Variants in MEI4 observed in about 807,000 individuals in gnomAD.
The protein encoded by MEI4 is meiosis-specific protein MEI4.
In MEI4, 27 loss-of-function variants were observed where a neutral mutation model predicts 31.4. The observed-to-expected ratio is 0.86, with a 90% CI of 0.63 to 1.19. The LOEUF (loss-of-function observed/expected upper bound fraction) is 1.19, where lower values mean the gene tolerates loss of function less well. MEI4 is among the 50% of genes most tolerant of loss of function. The pLI is 0.00. For synonymous variants in MEI4, 122 were observed against 145.4 expected, an observed-to-expected ratio of 0.84 and a Z score of 1.16; for missense variants, 329 against 398.9, an observed-to-expected ratio of 0.82 and a Z score of 1.49.
At chr6:77,816,488 G>A (rs1409527697) in intron 3 of MEI4, among the ~76,000 whole-genome samples, 5 of 152,060 alleles carry the variant, frequency 3.3e-5, no homozygotes, top group East Asian at 1.9e-4. Flanking sequence ...TTTTATGGCC[G>A]CATAGTATTC....
At chr6:77,652,321 T>C (rs1298352368), upstream of MEI4, among the ~76,000 whole-genome samples, 1 of 152,170 alleles carries the variant, frequency 6.6e-6, no homozygotes, top group African/African-American at 2.4e-5. Context: ...GCAAAGTGTT[T>C]TAAGAGTAGA....
chr6:77,920,255 A>T (rs1766671912), intron 4 of MEI4, among the ~76,000 whole-genome samples: 1 of 152,000 alleles, frequency 6.6e-6, no homozygotes, highest in Non-Finnish European at 1.5e-5. Context: ...CCTCAACAAA[A>T]TTCTGGCAAA....
intron 2 of MEI4, among the ~76,000 whole-genome samples, chr6:77,738,670 T>G (rs1767317370): frequency 6.6e-6 from 1 of 152,204 alleles, no homozygotes; most frequent in African/African-American, 2.4e-5. Flanking sequence ...ATTGCCACAC[T>G]GTATTCTACA....
intron 3 of MEI4, among the ~76,000 whole-genome samples, chr6:77,799,082 T>C (rs1769169750): frequency 6.6e-6 from 1 of 152,186 alleles, no homozygotes; most frequent in Non-Finnish European, 1.5e-5. Context: ...ACTTCCACAA[T>C]GGTTGAACTA....
At chr6:77,775,366 C>T (rs1483174976) in intron 3 of MEI4, among the ~76,000 whole-genome samples, 5 of 152,088 alleles carry the variant, frequency 3.3e-5, no homozygotes, top group Admixed American at 6.6e-5. Flanking sequence ...CCCCAAAGTC[C>T]GTTGTATCAT....
intron 4 of MEI4, among the ~76,000 whole-genome samples, chr6:77,895,579 T>C (rs150135095): frequency 1.9e-3 from 287 of 152,284 alleles, no homozygotes; most frequent in African/African-American, 6.5e-3. Flanking sequence ...ACCCTATGAC[T>C]ATTCCCTTTA....
chr6:77,792,579 A>G (rs1768966390), intron 3 of MEI4, among the ~76,000 whole-genome samples: 1 of 152,012 alleles, frequency 6.6e-6, no homozygotes, highest in South Asian at 2.1e-4. Context: ...CATTTCTCCT[A>G]TGTTTTCCTC....
intron 3 of MEI4, among the ~76,000 whole-genome samples, chr6:77,771,060 G>C (rs989329576): frequency 1.3e-5 from 2 of 152,112 alleles, no homozygotes; most frequent in Admixed American, 6.6e-5. Context: ...CTAATATCCA[G>C]AGCCTATAAG....
At chr6:77,790,501 C>T (rs568086444) in intron 3 of MEI4, among the ~76,000 whole-genome samples, 1 of 151,652 alleles carries the variant, frequency 6.6e-6, no homozygotes, top group African/African-American at 2.4e-5. Context: ...GTCTAAACTC[C>T]ACCACTATGC....
At chr6:77,685,893 A>G (rs756336169) in intron 1 of MEI4, among the ~76,000 whole-genome samples, 1 of 152,048 alleles carries the variant, frequency 6.6e-6, no homozygotes, top group Non-Finnish European at 1.5e-5. Flanking sequence ...TATGGTTTTG[A>G]TATTTGTCCC....
In MEI4 at chr6:77,776,156, GT is replaced by G. The variant is rs71809709; in HGVS notation, c.768+14501del. ...GGGATGTCTGTTTACTCTGCTAATT[GT>G]TTTTTTTTTGTTTTTGTTTTTGTTT... is the stretch of plus-strand genomic sequence containing the variant. On this transcript the variant is annotated intron_variant, in intron 3 of 4. Transcript: ENST00000684080. Among the ~76,000 whole-genome samples, 211 of 143,354 alleles carry G rather than the reference GT, an allele frequency of 1.5e-3. 1 individual carries two copies. The highest frequency in any genetic ancestry group is 4.8e-3 in the African/African-American group (185 of 38,398). 94.0% of individuals were successfully genotyped at this position (143,354 alleles called of 152,430 possible). A position where few individuals can be genotyped will look rare whatever the true frequency, so the allele number is the denominator to read the frequency against.
intron 4 of MEI4, among the ~76,000 whole-genome samples, chr6:77,906,846 G>A (rs902875471): frequency 1.3e-5 from 2 of 152,126 alleles, no homozygotes; most frequent in Admixed American, 1.3e-4. Flanking sequence ...GGACAGGCAG[G>A]CTCAGAGTTC....
chr6:77,762,203 G>T (rs1483050), intron 3 of MEI4, among the ~76,000 whole-genome samples: 31,146 of 152,028 alleles, frequency 0.2, 3,539 homozygotes, highest in African/African-American at 0.3. Context: ...CTCTGCAGAT[G>T]TAGGTGAATT....
chr6:77,908,499 T>A (rs1766352053), intron 4 of MEI4, among the ~76,000 whole-genome samples: 1 of 152,122 alleles, frequency 6.6e-6, no homozygotes, highest in South Asian at 2.1e-4. Context: ...TCTGTTCCAT[T>A]GGTCTATATC....
At chr6:77,813,748 A>T (rs1769627481) in intron 3 of MEI4, among the ~76,000 whole-genome samples, 1 of 152,094 alleles carries the variant, frequency 6.6e-6, no homozygotes, top group South Asian at 2.1e-4. Flanking sequence ...AACTACATTT[A>T]AAATATTATT....
chr6:77,921,607 A>G lies in MEI4; in HGVS notation c.901-1482A>G, dbSNP rs141587471. 1.4e-3 allele frequency among the ~76,000 whole-genome samples: 209 copies of G among 151,970 alleles called. 1 individual carries two copies. The highest frequency in any genetic ancestry group is 4.4e-3 in the African/African-American group (183 of 41,528). ...CTTTTGGCCTGTCTCAGATTTTGACATGCCTTCTTCACTAAGCTTAATGAT... is the reference window on the plus strand; with the variant it reads ...CTTTTGGCCTGTCTCAGATTTTGACGTGCCTTCTTCACTAAGCTTAATGAT... On this transcript the variant is annotated intron_variant, in intron 4 of 4. Coordinates refer to ENST00000684080, the MANE Select transcript of MEI4 (RefSeq NM_001322247.2).
intron 2 of MEI4, among the ~76,000 whole-genome samples, chr6:77,730,589 T>A (rs370992510): frequency 6.6e-6 from 1 of 151,408 alleles, no homozygotes; most frequent in East Asian, 2.0e-4. Context: ...ATTCAGTATT[T>A]TTTTTAGTCT....
intron 4 of MEI4, among the ~76,000 whole-genome samples, chr6:77,866,935 T>G (rs975170834): frequency 2.0e-5 from 3 of 152,182 alleles, no homozygotes; most frequent in African/African-American, 7.2e-5. Flanking sequence ...TACAACCATC[T>G]GATCTTTGAC....
chr6:77,818,799 T>A (rs1452501958), intron 3 of MEI4, among the ~76,000 whole-genome samples: 1 of 152,166 alleles, frequency 6.6e-6, no homozygotes, highest in Non-Finnish European at 1.5e-5. Flanking sequence ...CAATCATAGC[T>A]CACTTACTGC....
Sources: allele counts gnomAD v4.1 joint callset (sites outside exome capture counted in the v4.1 genomes callset), GRCh38; gene constraint gnomAD v4.1.1; transcripts MANE v1.5; gene names NCBI Gene and HGNC (gene_info 2026-07-23, HGNC 2026-07-21).